The following COG5 variants were observed in gnomAD, a reference collection of about 807,000 sequenced individuals.
COG5 encodes the protein conserved oligomeric Golgi complex subunit 5.
In COG5, 86 loss-of-function variants were observed where a neutral mutation model predicts 110.4. That is an observed-to-expected ratio of 0.78 (90% CI 0.65 to 0.93). COG5 has a LOEUF of 0.93. COG5 is among the 40% of genes least tolerant of loss of function. COG5 has a pLI of 0.00. For synonymous variants in COG5, 360 were observed against 334.6 expected, an observed-to-expected ratio of 1.08 and a Z score of -0.83; for missense variants, 1,077 against 987.0, an observed-to-expected ratio of 1.09 and a Z score of -1.22.
chr7:107,206,263 G>C (rs1798779211), intron 21 of COG5, among the ~76,000 whole-genome samples: 1 of 152,120 alleles, frequency 6.6e-6, no homozygotes, highest in African/African-American at 2.4e-5. Context: ...AAGTGTAGCT[G>C]TTTTAAATAA....
chr7:107,524,043 C>G (rs1800546982), intron 6 of COG5, among the ~76,000 whole-genome samples: 1 of 152,148 alleles, frequency 6.6e-6, no homozygotes, highest in Non-Finnish European at 1.5e-5. Flanking sequence ...AACTGTCCAT[C>G]AGCATGTAAA....
At chr7:107,417,999 C>T (rs1029559539) in intron 6 of COG5, among the ~76,000 whole-genome samples, 3 of 152,108 alleles carry the variant, frequency 2.0e-5, no homozygotes, top group African/African-American at 7.2e-5. Flanking sequence ...AGAACACAAT[C>T]ATAAAATTAT....
intron 5 of COG5, among the ~76,000 whole-genome samples, chr7:107,540,199 T>C (rs1314751527): frequency 3.9e-5 from 6 of 152,166 alleles, no homozygotes; most frequent in Non-Finnish European, 8.8e-5. Flanking sequence ...GAAACAACAG[T>C]AGAAAGACCT....
intron 3 of COG5, among the ~76,000 whole-genome samples, chr7:107,552,870 C>T (rs998280628): frequency 6.6e-6 from 1 of 152,026 alleles, no homozygotes; most frequent in African/African-American, 2.4e-5. Context: ...AACCTAGGTG[C>T]CCAACAACAG....
chr7:107,367,909 T>G (rs564228979), intron 8 of COG5, among the ~76,000 whole-genome samples: 292 of 151,998 alleles, frequency 1.9e-3, no homozygotes, highest in Non-Finnish European at 3.4e-3. Context: ...CAAAACCCAC[T>G]TGTACCCCTA....
At chr7:107,486,372 C>T (rs939781169) in intron 6 of COG5, among the ~76,000 whole-genome samples, 3 of 151,936 alleles carry the variant, frequency 2.0e-5, no homozygotes, top group African/African-American at 7.3e-5. Context: ...GATCACAAAT[C>T]TTCAACCAGA....
chr7:107,250,990 G>A lies in COG5; in HGVS notation c.1750-2491C>T, dbSNP rs1045529136. On this transcript the variant is annotated intron_variant, in intron 16 of 21. Transcript: ENST00000297135. ...TACTCGGCAGGGAAAAAGGCCTCAC[G>A]CTAATCAAAATAATGAAAAGCATGA... is the stretch of plus-strand genomic sequence containing the variant. 8.6e-5 allele frequency among the ~76,000 whole-genome samples: 13 copies of A among 151,970 alleles called. No individual in the cohort carries two copies. In the East Asian group the frequency reaches 2.1e-3, roughly 25 times the overall value.
chr7:107,456,519 G>A (rs1376264945), intron 6 of COG5, among the ~76,000 whole-genome samples: 1 of 152,074 alleles, frequency 6.6e-6, no homozygotes, highest in Non-Finnish European at 1.5e-5. Flanking sequence ...TAATGTAAGG[G>A]GAAAACCTCA....
chr7:107,253,713 G>A (rs1282245231), intron 16 of COG5, among the ~76,000 whole-genome samples: 7 of 152,066 alleles, frequency 4.6e-5, no homozygotes, highest in Non-Finnish European at 1.5e-5. Flanking sequence ...TGCTCTGCTC[G>A]CTCTCCAACT....
At chr7:107,477,772 C>T (rs1797078137) in intron 6 of COG5, among the ~76,000 whole-genome samples, 1 of 151,862 alleles carries the variant, frequency 6.6e-6, no homozygotes, top group South Asian at 2.1e-4. Context: ...CAACTACTGA[C>T]CTCAGCTTAA....
At chr7:107,557,560 T>G (rs547676671) in intron 2 of COG5, among the ~76,000 whole-genome samples, 1 of 152,346 alleles carries the variant, frequency 6.6e-6, no homozygotes, top group South Asian at 2.1e-4. Flanking sequence ...CTACTCACAA[T>G]AACATTTATC....
intron 14 of COG5, among the ~76,000 whole-genome samples, chr7:107,264,858 GAACA>G (rs1803672837): frequency 2.0e-5 from 3 of 151,992 alleles, no homozygotes; most frequent in African/African-American, 7.2e-5. Context: ...TCACATGATG[GAACA>G]AACAATGAAA....
rs1236855460 is a variant in COG5, at chr7:107,201,945, G to A, written c.*1571C>T. On this transcript the variant is annotated 3_prime_UTR_variant, in exon 22 of 22. Transcript: ENST00000297135. ...GCCAAACATAGGCGCTCCTAGTCTG[G>A]TCAGTGCCAAGAGGCTACCAGAACA... 1 of 152,690 alleles carries A rather than the reference G, an allele frequency of 6.5e-6. No individual in the cohort carries two copies. The highest frequency in any genetic ancestry group is 1.5e-5 in the Non-Finnish European group (1 of 68,106). 9.5% of individuals were successfully genotyped at this position (152,690 alleles called of 1,614,324 possible).
intron 6 of COG5, among the ~76,000 whole-genome samples, chr7:107,501,703 A>G (rs1037013469): frequency 2.0e-5 from 3 of 152,142 alleles, no homozygotes; most frequent in African/African-American, 7.2e-5. Flanking sequence ...TAATTTCTAT[A>G]TGCTTATCTC....
At position 107,276,503 on chromosome 7, in the gene COG5, C is replaced by T. The variant is rs1804712703; in HGVS notation, c.1575+4797G>A. Among the ~76,000 whole-genome samples the T allele has an allele frequency of 1.3e-5, 2 of 152,026 alleles. 1 individual carries two copies. The highest frequency in any genetic ancestry group is 4.1e-4 in the South Asian group (2 of 4,822). On this transcript the variant is annotated intron_variant, in intron 14 of 21. Coordinates refer to ENST00000297135, the MANE Select transcript of COG5 (RefSeq NM_006348.5). ...TGAGTAATGTGGCGAGACCCTCCAT[C>T]GCTACAAAAAATAAGAAAATTAGCT... is the stretch of plus-strand genomic sequence containing the variant.
In COG5 at chr7:107,304,940, G is replaced by A. The variant is rs139731910; in HGVS notation, c.1109-6594C>T. On this transcript the variant is annotated intron_variant, in intron 11 of 21. Coordinates refer to ENST00000297135, the MANE Select transcript of COG5 (RefSeq NM_006348.5). ...GGATATGCAAGGGTAAACAAAATAA[G>A]CAAGTTCCTTTCCATATAGAGATTA... Among the ~76,000 whole-genome samples, 9 of 152,260 alleles carry A rather than the reference G, an allele frequency of 5.9e-5. No individual in the cohort carries two copies. In the East Asian group the frequency reaches 1.7e-3, roughly 29 times the overall value.
intron 6 of COG5, among the ~76,000 whole-genome samples, chr7:107,454,832 AT>A (rs1217716977): frequency 6.6e-6 from 1 of 152,100 alleles, no homozygotes; most frequent in Non-Finnish European, 1.5e-5. Context: ...GATTCCTAAA[AT>A]TAAAAAGAAA....
chr7:107,476,234 T>C (rs1304847577), intron 6 of COG5, among the ~76,000 whole-genome samples: 1 of 123,202 alleles, frequency 8.1e-6, no homozygotes, highest in Non-Finnish European at 1.7e-5. Context: ...TAAGCTGACT[T>C]CCTAACTTTA....
At chr7:107,390,958 C>T (rs1361789995) in intron 7 of COG5, among the ~76,000 whole-genome samples, 2 of 151,796 alleles carry the variant, frequency 1.3e-5, no homozygotes, top group Non-Finnish European at 1.5e-5. Context: ...TGGCTGAAGG[C>T]ACCCTAATCC....
Sources: gnomAD v4.1 joint callset for allele counts (sites outside exome capture counted in the v4.1 genomes callset) on GRCh38, gnomAD v4.1.1 for gene constraint, MANE v1.5 for transcripts, NCBI Gene and HGNC (gene_info 2026-07-23, HGNC 2026-07-21) for gene names.